The following PTPRS variants were observed in gnomAD, a reference collection of about 807,000 sequenced individuals.
The protein encoded by PTPRS is receptor-type tyrosine-protein phosphatase S.
Under a neutral mutation model 215.3 loss-of-function variants are expected in PTPRS, and 63 were observed. That is an observed-to-expected ratio of 0.29 (90% confidence interval 0.24 to 0.36). The LOEUF (loss-of-function observed/expected upper bound fraction) is 0.36, where lower values mean the gene tolerates loss of function less well. Among genes scored for constraint, PTPRS ranks in the 10% least tolerant of loss-of-function variants. The probability of loss-of-function intolerance (pLI) is 1.00; values close to 1 mark genes in which losing one functional copy is unlikely to be tolerated. For synonymous variants in PTPRS, 1,404 were observed against 1,191.4 expected, an observed-to-expected ratio of 1.18 and a Z score of -3.68; for missense variants, 2,258 against 2,825.8, an observed-to-expected ratio of 0.80 and a Z score of 4.56.
intron 1 of PTPRS, among the ~76,000 whole-genome samples, chr19:5,325,793 G>C (rs1288225394): frequency 6.6e-6 from 1 of 152,192 alleles, no homozygotes; most frequent in Non-Finnish European, 1.5e-5. Context: ...TTTTTAATAG[G>C]CTCATTAATT....
At position 5,278,513 on chromosome 19, in the gene PTPRS, C is replaced by T. The variant is rs192687055; in HGVS notation, c.92-4169G>A. Among the ~76,000 whole-genome samples, 106 of 152,080 alleles carry T rather than the reference C, an allele frequency of 7.0e-4. 1 individual carries two copies. The highest frequency in any genetic ancestry group is 2.3e-3 in the African/African-American group (94 of 41,468). ...TTATTTCTGCGGCAGGGTCTCACTC[C>T]GTCACCCAGGCTCAAGTGCAGGGCG... On this transcript the variant is annotated intron_variant, in intron 2 of 37. Coordinates refer to ENST00000262963, the MANE Select transcript of PTPRS (RefSeq NM_002850.4).
intron 33 of PTPRS, among the ~76,000 whole-genome samples, chr19:5,211,040 T>C (rs1375008681): frequency 6.6e-6 from 1 of 152,220 alleles, no homozygotes; most frequent in Non-Finnish European, 1.5e-5. Context: ...TGCGGGACTA[T>C]CCACTAACCT....
Position 5,293,349 on chromosome 19 carries a change from C to A in PTPRS, c.-94-7115G>T, listed in dbSNP as rs977713188. On this transcript the variant is annotated intron_variant, in intron 1 of 37. Transcript: ENST00000262963. This position sits in a 1 kb window ranked among gnomAD's most constrained non-coding sequence, Gnocchi z 8.4. ...TGGGCGGGGCTGCAGGGGACGGGCC[C>A]CGAGGAGGGGGATTGGGGGGCAGGG... 1.3e-5 allele frequency: 2 copies of A among 148,640 alleles called. No homozygotes were observed. Among genetic ancestry groups the A allele is most frequent in the Non-Finnish European group, 1.5e-5 (1 of 66,718 alleles). 9.2% of individuals were successfully genotyped at this position (148,640 alleles called of 1,614,324 possible). A position where few individuals can be genotyped will look rare whatever the true frequency, so the allele number is the denominator to read the frequency against.
At chr19:5,335,433 G>T (rs965869485) in intron 1 of PTPRS, among the ~76,000 whole-genome samples, 2 of 152,178 alleles carry the variant, frequency 1.3e-5, no homozygotes, top group African/African-American at 4.8e-5. Flanking sequence ...GAACCCAGAG[G>T]GGTAACCTCA....
chr19:5,266,877 C>T (rs2046439100), intron 4 of PTPRS, among the ~76,000 whole-genome samples: 1 of 152,148 alleles, frequency 6.6e-6, no homozygotes, highest in Non-Finnish European at 1.5e-5. Context: ...AGCCTGGAAT[C>T]CCCGTTCCCA....
Position 5,266,572 on chromosome 19 carries a change from G to A in PTPRS, c.380-1376C>T, listed in dbSNP as rs575867748. On this transcript the variant is annotated intron_variant, in intron 4 of 37. Transcript: ENST00000262963. ...AGTAGAGAAGGGGTTTTGCCATGTT[G>A]GCCAGGCTGGTCTCGAACTCCTGAC... Among the ~76,000 whole-genome samples the A allele has an allele frequency of 3.3e-5, 5 of 152,094 alleles. No homozygotes were observed. In the East Asian group the frequency reaches 9.7e-4, roughly 29 times the overall value.
intron 9 of PTPRS, among the ~76,000 whole-genome samples, chr19:5,248,525 C>T (rs955584987): frequency 1.2e-4 from 18 of 152,142 alleles, no homozygotes; most frequent in Non-Finnish European, 5.9e-5. Flanking sequence ...ACCCAAGAGT[C>T]TTGGCCACGG....
intron 26 of PTPRS, among the ~76,000 whole-genome samples, chr19:5,216,082 G>A (rs922689722): frequency 1.3e-5 from 2 of 152,144 alleles, no homozygotes; most frequent in South Asian, 2.1e-4. Context: ...CACGAAATCC[G>A]CTTCCAGGTA....
Position 5,270,361 on chromosome 19 carries a change from G to GC in PTPRS, c.379+3080dup, listed in dbSNP as rs2046806599. 4.0e-5 allele frequency among the ~76,000 whole-genome samples: 5 copies of GC among 125,620 alleles called. No homozygotes were observed. In the South Asian group the frequency reaches 1.0e-3, roughly 26 times the overall value. 82.4% of individuals were successfully genotyped at this position (125,620 alleles called of 152,430 possible). On this transcript the variant is annotated intron_variant, in intron 4 of 37. Coordinates refer to ENST00000262963, the MANE Select transcript of PTPRS (RefSeq NM_002850.4). Reference sequence around the variant, plus strand: ...ACTGGGGTGCAGTAGCATGATCATAGCCCACTGTAGCCTTGAACTCCGAGG... The same window carrying GC: ...ACTGGGGTGCAGTAGCATGATCATAGCCCCACTGTAGCCTTGAACTCCGAGG...
chr19:5,209,903 T>G lies in PTPRS; in HGVS notation c.5487+566A>C, dbSNP rs2040707066. Among the ~76,000 whole-genome samples the G allele has an allele frequency of 7.2e-5, 11 of 152,282 alleles. No homozygotes were observed. In the South Asian group the frequency reaches 2.3e-3, roughly 32 times the overall value. ...ACATTCCCCATCCTCTATCATCCCC[T>G]CACTGCGTTCTCTACCATCGTCGAT... On this transcript the variant is annotated intron_variant, in intron 35 of 37. Transcript: ENST00000262963.
At chr19:5,304,068 A>G (rs1349317742) in intron 1 of PTPRS, among the ~76,000 whole-genome samples, 3 of 152,170 alleles carry the variant, frequency 2.0e-5, no homozygotes, top group Middle Eastern at 3.2e-3. Flanking sequence ...GTCTCTCAGC[A>G]TCCCTCTAGC....
intron 24 of PTPRS, 51 bp downstream of exon 24, chr19:5,218,736 C>T: frequency 6.2e-7 from 1 of 1,603,660 alleles, no homozygotes; most frequent in Non-Finnish European, 8.5e-7. Context: ...AGCCCATTCC[C>T]TGTCCTCTTC....
chr19:5,309,228 C>T (rs2049611148), intron 1 of PTPRS, among the ~76,000 whole-genome samples: 2 of 152,168 alleles, frequency 1.3e-5, no homozygotes, highest in Non-Finnish European at 2.9e-5. Flanking sequence ...GTGCCACGTG[C>T]TGTGTGGCCT....
chr19:5,239,097 G>T (rs1010046168), intron 12 of PTPRS, 34 bp from the exon 13 acceptor site: 2 of 1,554,704 alleles, frequency 1.3e-6, no homozygotes, highest in Non-Finnish European at 1.8e-6. Context: ...AGAGAGGGAT[G>T]GGGGAGAGAG....
chr19:5,305,768 T>A (rs1200646559), intron 1 of PTPRS, among the ~76,000 whole-genome samples: 2,393 of 123,100 alleles, frequency 0.019, 46 homozygotes, highest in African/African-American at 0.05. Flanking sequence ...TATATATATT[T>A]TTTTTTTAAA....
intron 4 of PTPRS, among the ~76,000 whole-genome samples, chr19:5,271,633 C>T (rs1322723694): frequency 1.3e-5 from 2 of 151,734 alleles, no homozygotes; most frequent in African/African-American, 4.8e-5. Context: ...GTCCTGACCT[C>T]GCGATCTGCC....
Position 5,210,331 on chromosome 19 carries a change from C to T in PTPRS, c.5487+138G>A, listed in dbSNP as rs1599350262. On this transcript the variant is annotated intron_variant, in intron 35 of 37. Coordinates refer to ENST00000262963, the MANE Select transcript of PTPRS (RefSeq NM_002850.4). This position sits in a 1 kb window ranked among gnomAD's most constrained non-coding sequence, Gnocchi z 4.5. Reference sequence around the variant, plus strand: ...CTATGTGGCAGTAGAAGCAAGTGGCCAACTGGTCAGCTGACACTTCTCCTG... The same window carrying T: ...CTATGTGGCAGTAGAAGCAAGTGGCTAACTGGTCAGCTGACACTTCTCCTG... 1 of 1,301,854 alleles carries T rather than the reference C, an allele frequency of 7.7e-7. No individual in the cohort carries two copies. Among genetic ancestry groups the T allele is most frequent in the Non-Finnish European group, 1.1e-6 (1 of 932,206 alleles). The allele number at this position is 1,301,854 out of a possible 1,614,324, so 80.6% of individuals were successfully genotyped here.
At chr19:5,322,875 G>A (rs1386100364) in intron 1 of PTPRS, among the ~76,000 whole-genome samples, 6 of 48,354 alleles carry the variant, frequency 1.2e-4, no homozygotes, top group African/African-American at 3.0e-4. Context: ...GCAAAACTCC[G>A]TCTCAAAAAA....
chr19:5,304,723 G>A (rs1600082278), intron 1 of PTPRS, among the ~76,000 whole-genome samples: 1 of 152,146 alleles, frequency 6.6e-6, no homozygotes, highest in Non-Finnish European at 1.5e-5. Flanking sequence ...AAGAGGTGAT[G>A]TCTAAGATGA....
Sources: gnomAD v4.1 joint callset for allele counts (sites outside exome capture counted in the v4.1 genomes callset) on GRCh38, gnomAD v4.1.1 for gene constraint, Gnocchi (gnomAD v3.1) non-coding constraint, MANE v1.5 for transcripts, NCBI Gene and HGNC (gene_info 2026-07-23, HGNC 2026-07-21) for gene names.